The following GSS variants were observed in gnomAD, a reference collection of about 807,000 sequenced individuals.
GSS encodes the protein glutathione synthetase.
In GSS, 34 loss-of-function variants were observed where a neutral mutation model predicts 60.4. That is an observed-to-expected ratio of 0.56 (90% CI 0.43 to 0.75). GSS has a LOEUF of 0.75. GSS is among the 30% of genes least tolerant of loss of function. The probability of loss-of-function intolerance (pLI) is 0.00; values close to 1 mark genes in which losing one functional copy is unlikely to be tolerated. For missense variants in GSS, 499 were observed against 595.1 expected (o/e 0.84, Z 1.68); for synonymous variants, 224 against 239.0 (o/e 0.94, Z 0.58).
intron 9 of GSS, among the ~76,000 whole-genome samples, chr20:34,935,249 G>GA (rs1293438074): frequency 6.6e-6 from 1 of 151,888 alleles, no homozygotes; most frequent in Non-Finnish European, 1.5e-5. Context: ...GAGTTGGCAG[G>GA]AAAAAAAATG....
chr20:34,951,685 G>A (rs2081569358), intron 2 of GSS, 39 bp downstream of exon 2: 4 of 1,581,510 alleles, frequency 2.5e-6, no homozygotes, highest in Admixed American at 1.8e-5. Context: ...CCAGACAGTG[G>A]GCCATGGTGA....
intron 3 of GSS, among the ~76,000 whole-genome samples, chr20:34,943,955 T>A (rs1459040274): frequency 1.3e-5 from 2 of 152,172 alleles, no homozygotes; most frequent in East Asian, 1.9e-4. Flanking sequence ...CCCTTTGAGA[T>A]TCAGGGTGGA....
intron 3 of GSS, among the ~76,000 whole-genome samples, chr20:34,945,264 C>T (rs1006763031): frequency 4.0e-5 from 6 of 151,866 alleles, no homozygotes; most frequent in South Asian, 2.1e-4. Flanking sequence ...CTTAAGTGAT[C>T]CACCCACCTC....
intron 9 of GSS, among the ~76,000 whole-genome samples, chr20:34,934,689 A>C (rs1021886813): frequency 6.6e-6 from 1 of 152,196 alleles, no homozygotes; most frequent in Admixed American, 6.5e-5. Context: ...ACCTCTATAG[A>C]GCCTCCTCAT....
chr20:34,937,097 T>A, intron 6 of GSS, 74 bp from the exon 7 acceptor site: 1 of 972,524 alleles, frequency 1.0e-6, no homozygotes, highest in South Asian at 1.3e-5. Flanking sequence ...TCAACCCCCA[T>A]ACCGCCCCAC....
At chr20:34,933,268 T>C (rs2081416451) in intron 9 of GSS, among the ~76,000 whole-genome samples, 1 of 152,222 alleles carries the variant, frequency 6.6e-6, no homozygotes, top group Non-Finnish European at 1.5e-5. Flanking sequence ...TTCCTGGCAC[T>C]TTGTAGTTGC....
chr20:34,951,937 C>T (rs1351902394), intron 1 of GSS, 77 bp from the exon 2 acceptor site: 82 of 1,478,508 alleles, frequency 5.5e-5, no homozygotes, highest in Non-Finnish European at 1.4e-5. Context: ...CTGGCGGCCA[C>T]CCCCAACACA....
chr20:34,935,184 A>G lies in GSS; in HGVS notation c.834+392T>C, dbSNP rs1600380898. On this transcript the variant is annotated intron_variant, in intron 9 of 12. Transcript: ENST00000651619. ...AGCAAAATGAGGTGATATAACTGTC[A>G]TTAACATGAATGAGGAGATGATAAA... 3.3e-5 allele frequency among the ~76,000 whole-genome samples: 5 copies of G among 152,362 alleles called. No individual in the cohort carries two copies. In the South Asian group the frequency reaches 1.0e-3, roughly 32 times the overall value.
At chr20:34,931,297 C>T in intron 11 of GSS, 39 bp downstream of exon 11, 1 of 1,469,626 alleles carries the variant, frequency 6.8e-7, no homozygotes, top group Non-Finnish European at 9.5e-7. Context: ...CCTGCTAGTC[C>T]CTCTCATTGA....
chr20:34,944,201 A>T (rs1231239316), intron 3 of GSS, among the ~76,000 whole-genome samples: 2 of 152,164 alleles, frequency 1.3e-5, no homozygotes, highest in Non-Finnish European at 2.9e-5. Context: ...GCTCCCCTTC[A>T]TGTTTTGTAG....
intron 2 of GSS, among the ~76,000 whole-genome samples, chr20:34,947,539 G>A (rs1015472703): frequency 6.6e-6 from 1 of 152,150 alleles, no homozygotes; most frequent in African/African-American, 2.4e-5. Context: ...CCTCCCCAGA[G>A]GCAAATGACA....
chr20:34,949,650 G>A (rs968302786), intron 2 of GSS: 3 of 152,076 alleles, frequency 2.0e-5, no homozygotes, highest in Admixed American at 6.6e-5. Context: ...TTCACATCCT[G>A]GCTCTGCCAA....
chr20:34,933,099 G>C (rs1376597614), intron 9 of GSS, among the ~76,000 whole-genome samples: 2 of 152,034 alleles, frequency 1.3e-5, no homozygotes, highest in Non-Finnish European at 2.9e-5. Flanking sequence ...ACCTACCTAG[G>C]CCTCCCAAAG....
At position 34,955,763 on chromosome 20, in the gene GSS, C is replaced by G. The variant is rs1387349471; in HGVS notation, c.-45G>C. On this transcript the variant is annotated 5_prime_UTR_variant, in exon 1 of 13. Coordinates refer to ENST00000651619, the MANE Select transcript of GSS (RefSeq NM_000178.4). ...TCCTCCGCGAACGGTTCTCCCGGCC[C>G]TCGCGCCGCTACCCAGGCTCAGGGG... 1.3e-5 allele frequency: 2 copies of G among 152,302 alleles called. No individual in the cohort carries two copies. Among genetic ancestry groups the G allele is most frequent in the Admixed American group, 1.3e-4 (2 of 15,292 alleles). 9.4% of individuals were successfully genotyped at this position (152,302 alleles called of 1,614,324 possible).
At position 34,932,117 on chromosome 20, in the gene GSS, A is replaced by G. The variant is rs781690357; in HGVS notation, c.851T>C (p.Leu284Pro). The change falls in exon 10 of 13, where the codon CTA becomes CCA. Residue 284 changes from leucine (L) to proline (P), a missense_variant. Coordinates refer to ENST00000651619, the MANE Select transcript of GSS (RefSeq NM_000178.4). ...GGCAGCATGTGACCTCTCCAGCAGT[A>G]GACGTGCTTCCCAATTCTGCAGAGG... ...QYSLQNWEAR[L>P]LLERSHAAKC... is the part of the protein sequence containing the mutation. The G allele has an allele frequency of 9.3e-6, 15 of 1,613,866 alleles. No homozygotes were observed. Among genetic ancestry groups the G allele is most frequent in the Non-Finnish European group, 1.3e-5 (15 of 1,179,712 alleles).
chr20:34,928,515 C>T lies in GSS; in HGVS notation c.*313G>A, dbSNP rs1600374926. On this transcript the variant is annotated 3_prime_UTR_variant, in exon 13 of 13. Coordinates refer to ENST00000651619, the MANE Select transcript of GSS (RefSeq NM_000178.4). Reference sequence around the variant, plus strand: ...CTCCCCCTCCTCCTACCACTCAGTCCTATCCCAAGTCAGGCACTGGAACCT... The same window carrying T: ...CTCCCCCTCCTCCTACCACTCAGTCTTATCCCAAGTCAGGCACTGGAACCT... The T allele has an allele frequency of 2.1e-6, 1 of 480,774 alleles. No individual in the cohort carries two copies. Among genetic ancestry groups the T allele is most frequent in the Non-Finnish European group, 3.8e-6 (1 of 261,736 alleles). The allele number at this position is 480,774 out of a possible 1,614,324, so 29.8% of individuals were successfully genotyped here.
At chr20:34,946,252 G>GT (rs1428643840) in intron 2 of GSS, among the ~76,000 whole-genome samples, 154 bp from the exon 3 acceptor site, 1 of 152,212 alleles carries the variant, frequency 6.6e-6, no homozygotes, top group African/African-American at 2.4e-5. Context: ...AAGGGGGAGA[G>GT]TGGAACCCAG....
intron 9 of GSS, among the ~76,000 whole-genome samples, chr20:34,934,782 C>T (rs557649453): frequency 1.1e-4 from 16 of 152,174 alleles, no homozygotes; most frequent in South Asian, 2.1e-4. Flanking sequence ...TAGCTCCCCC[C>T]GCTCATAGAA....
At chr20:34,942,348 G>T in intron 5 of GSS, 140 bp downstream of exon 5, 2 of 737,256 alleles carry the variant, frequency 2.7e-6, no homozygotes, top group Non-Finnish European at 4.6e-6. Flanking sequence ...GGAAACTGCT[G>T]TCGGGGTGGC....
Sources: gnomAD v4.1 joint callset for allele counts (sites outside exome capture counted in the v4.1 genomes callset) on GRCh38, gnomAD v4.1.1 for gene constraint, MANE v1.5 for transcripts, NCBI Gene and HGNC (gene_info 2026-07-23, HGNC 2026-07-21) for gene names.